The following NELL1 variants were observed in gnomAD, a reference collection of about 807,000 sequenced individuals.
NELL1 encodes neural EGFL like 1.
A neutral mutation model predicts 107.4 loss-of-function variants in NELL1; 76 were observed. The observed-to-expected ratio is 0.71, with a 90% confidence interval of 0.59 to 0.86. The LOEUF is 0.86. NELL1 is among the 40% of genes least tolerant of loss of function. NELL1 has a pLI of 0.00. For synonymous variants in NELL1, 353 were observed against 341.2 expected, an observed-to-expected ratio of 1.03 and a Z score of -0.38; for missense variants, 1,024 against 1,005.5, an observed-to-expected ratio of 1.02 and a Z score of -0.25.
chr11:20,810,132 T>G (rs1480612749), intron 3 of NELL1, among the ~76,000 whole-genome samples: 1 of 152,180 alleles, frequency 6.6e-6, no homozygotes, highest in Non-Finnish European at 1.5e-5. Context: ...ATATATCTGT[T>G]AGCCATTTGT....
intron 13 of NELL1, among the ~76,000 whole-genome samples, chr11:21,200,752 T>C (rs1400166182): frequency 6.6e-6 from 1 of 152,188 alleles, no homozygotes; most frequent in Non-Finnish European, 1.5e-5. Flanking sequence ...TCTTCTAGGG[T>C]TTTTATGGTT....
intron 9 of NELL1, 61 bp from the exon 10 acceptor site, chr11:20,937,725 C>A: frequency 8.4e-7 from 1 of 1,194,000 alleles, no homozygotes; most frequent in Non-Finnish European, 1.3e-6. Flanking sequence ...TTAGAAGGTA[C>A]CTCTGAGGTC....
intron 15 of NELL1, among the ~76,000 whole-genome samples, chr11:21,397,501 G>A (rs148977507): frequency 3.1e-4 from 47 of 151,496 alleles, no homozygotes; most frequent in Non-Finnish European, 5.8e-4. Flanking sequence ...TTCCGTGTAC[G>A]TACACTTCTA....
At chr11:21,056,985 A>C (rs1353857043) in intron 12 of NELL1, among the ~76,000 whole-genome samples, 1 of 152,054 alleles carries the variant, frequency 6.6e-6, no homozygotes, top group Non-Finnish European at 1.5e-5. Context: ...AAAACAAAAA[A>C]AATGAAGAAA....
chr11:21,356,067 C>T (rs768302245), intron 14 of NELL1, among the ~76,000 whole-genome samples: 104 of 152,238 alleles, frequency 6.8e-4, no homozygotes, highest in Non-Finnish European at 1.1e-3. Context: ...TGCAACCTTC[C>T]CCACTGACAC....
chr11:21,002,496 C>A (rs1340312696), intron 12 of NELL1, among the ~76,000 whole-genome samples: 1 of 152,066 alleles, frequency 6.6e-6, no homozygotes, highest in Non-Finnish European at 1.5e-5. Flanking sequence ...AAGCTTTAAT[C>A]AGAAAAATAA....
chr11:21,113,475 A>T, intron 12 of NELL1, 114 bp from the exon 13 acceptor site: 2 of 1,068,660 alleles, frequency 1.9e-6, no homozygotes, highest in South Asian at 1.6e-5. Flanking sequence ...AATGCATGTT[A>T]CTTTTTCTCT....
chr11:20,844,456 C>A (rs1349092132), intron 3 of NELL1, among the ~76,000 whole-genome samples: 2 of 152,168 alleles, frequency 1.3e-5, no homozygotes, highest in African/African-American at 4.8e-5. Context: ...CTTTTGCTTA[C>A]AAAATCTGGC....
intron 9 of NELL1, among the ~76,000 whole-genome samples, chr11:20,929,431 T>C (rs1362635154): frequency 6.7e-6 from 1 of 149,788 alleles, no homozygotes; most frequent in Non-Finnish European, 1.5e-5. Context: ...AACTTTGTAA[T>C]CTTCCTTTTT....
At chr11:21,088,054 T>TAGCTCTGTG (rs1160122173) in intron 12 of NELL1, among the ~76,000 whole-genome samples, 1 of 144,440 alleles carries the variant, frequency 6.9e-6, no homozygotes, top group Non-Finnish European at 1.5e-5. Flanking sequence ...TGAGTCCCAG[T>TAGCTCTGTG]AGCTCTGTGT....
At chr11:20,992,709 ATTTTTTTT>A (rs56048576) in intron 12 of NELL1, among the ~76,000 whole-genome samples, 1,613 of 114,504 alleles carry the variant, frequency 0.014, 19 homozygotes, top group South Asian at 0.033. Flanking sequence ...CAAAAGTGGC[ATTTTTTTT>A]TTTTTTTTTT....
At position 21,284,689 on chromosome 11, in the gene NELL1, A is replaced by T. The variant is rs1849076860; in HGVS notation, c.1549+55235A>T. 4 of 367,436 alleles carry T rather than the reference A, an allele frequency of 1.1e-5. No homozygotes were observed. The Admixed American group carries it at 1.3e-4, about 12-fold the overall frequency. 22.8% of individuals were successfully genotyped at this position (367,436 alleles called of 1,614,324 possible). The stretch of plus-strand genomic sequence containing the variant: ...CTTGTGCCTGGAGCCAACTATGTCT[A>T]TATGTATGCAGTGTTTGAGACAGCT... On this transcript the variant is annotated intron_variant, in intron 14 of 19. Coordinates refer to ENST00000357134, the MANE Select transcript of NELL1 (RefSeq NM_006157.5).
chr11:21,346,370 G>C (rs1850682639), intron 14 of NELL1, among the ~76,000 whole-genome samples: 1 of 151,860 alleles, frequency 6.6e-6, no homozygotes, highest in East Asian at 1.9e-4. Context: ...TCTTTGAATT[G>C]ATTGAGTTAT....
Position 20,669,622 on chromosome 11 carries a change from T to C in NELL1, c.-102T>C, listed in dbSNP as rs1164864435. 5.0e-6 allele frequency: 5 copies of C among 1,005,602 alleles called. No homozygotes were observed. Among genetic ancestry groups the C allele is most frequent in the African/African-American group, 4.9e-5 (3 of 61,084 alleles). 62.3% of individuals were successfully genotyped at this position (1,005,602 alleles called of 1,614,324 possible). On this transcript the variant is annotated 5_prime_UTR_variant, in exon 1 of 20. Transcript: ENST00000357134. This position sits in a 1 kb window ranked among gnomAD's most constrained non-coding sequence, Gnocchi z 4.4. ...CCGAGCCACCTCCCCCGCCGCCCGCTAGCAAGTTTGGCGGCTCCAAGCCAG... is the reference window on the plus strand; with the variant it reads ...CCGAGCCACCTCCCCCGCCGCCCGCCAGCAAGTTTGGCGGCTCCAAGCCAG...
At chr11:21,120,231 A>C (rs1363574391) in intron 13 of NELL1, among the ~76,000 whole-genome samples, 1 of 152,142 alleles carries the variant, frequency 6.6e-6, no homozygotes, top group East Asian at 1.9e-4. Context: ...CAACAGTTTA[A>C]ATGCCTTAAA....
intron 15 of NELL1, among the ~76,000 whole-genome samples, chr11:21,421,320 G>T (rs536125775): frequency 5.9e-4 from 90 of 152,210 alleles, no homozygotes; most frequent in African/African-American, 2.1e-3. Context: ...TCCAGGGGAA[G>T]CCTTGAACAA....
chr11:21,298,194 A>G (rs1849413151), intron 14 of NELL1, among the ~76,000 whole-genome samples: 1 of 151,942 alleles, frequency 6.6e-6, no homozygotes, highest in Non-Finnish European at 1.5e-5. Flanking sequence ...ACCTGATTCA[A>G]AATCTCACTG....
intron 3 of NELL1, among the ~76,000 whole-genome samples, chr11:20,797,300 C>T (rs1300796648): frequency 6.6e-6 from 1 of 151,354 alleles, no homozygotes; most frequent in Non-Finnish European, 1.5e-5. Flanking sequence ...CGCGGTGGCT[C>T]GCGCCTGTAA....
chr11:21,482,753 A>T (rs1343537477), intron 15 of NELL1, among the ~76,000 whole-genome samples: 4 of 150,660 alleles, frequency 2.7e-5, no homozygotes, highest in African/African-American at 9.7e-5. Flanking sequence ...GAGAGCTTAA[A>T]AAAAAAAAAA....
Sources: allele counts gnomAD v4.1 joint callset (sites outside exome capture counted in the v4.1 genomes callset), GRCh38; gene constraint gnomAD v4.1.1; non-coding constraint Gnocchi (gnomAD v3.1); transcripts MANE v1.5; gene names NCBI Gene and HGNC (gene_info 2026-07-23, HGNC 2026-07-21).